TMC1: variants seen among roughly 807,000 people sequenced by gnomAD.
TMC1 encodes the protein transmembrane channel like 1.
In TMC1, 84 loss-of-function variants were observed where a neutral mutation model predicts 105.8. The ratio of observed to expected loss-of-function variants is 0.79; its 90% CI spans 0.67 to 0.95. The LOEUF is 0.95. Ranked by LOEUF, TMC1 falls within the 40% of genes least tolerant of loss-of-function variation. The pLI, the probability that TMC1 is intolerant of heterozygous loss-of-function variation, is 0.00. For missense variants in TMC1, 817 were observed against 914.1 expected (o/e 0.89, Z 1.37); for synonymous variants, 315 against 311.5 (o/e 1.01, Z -0.12).
intron 18 of TMC1, among the ~76,000 whole-genome samples, chr9:72,814,997 GATA>G (rs983845725): frequency 1.3e-5 from 2 of 150,598 alleles, no homozygotes; most frequent in African/African-American, 4.9e-5. Flanking sequence ...CACACCTGGA[GATA>G]ATAAGATCTG....
chr9:72,660,148 T>C (rs1663759), intron 5 of TMC1, among the ~76,000 whole-genome samples: 35,354 of 151,966 alleles, frequency 0.23, 4,389 homozygotes, highest in East Asian at 0.38. Context: ...GGATCCCTCA[T>C]TTATGAAGCA....
At chr9:72,792,376 T>C in intron 17 of TMC1, 24 bp downstream of exon 17, 1 of 1,613,906 alleles carries the variant, frequency 6.2e-7, no homozygotes. Flanking sequence ...CAGAAGTGTA[T>C]GGCAATTAGT....
chr9:72,721,561 G>A (rs1202985832), intron 8 of TMC1, among the ~76,000 whole-genome samples: 1 of 152,064 alleles, frequency 6.6e-6, no homozygotes, highest in African/African-American at 2.4e-5. Context: ...AAAAACTTAC[G>A]AGGGTTCAGA....
At chr9:72,779,940 C>T (rs1828065784) in intron 13 of TMC1, among the ~76,000 whole-genome samples, 2 of 152,016 alleles carry the variant, frequency 1.3e-5, no homozygotes, top group East Asian at 1.9e-4. Flanking sequence ...TAAAAGATGA[C>T]CATCCCCAAG....
rs779905040 is a variant in TMC1, at chr9:72,788,418, G to T, written c.964G>T (p.Asp322Tyr). 1.9e-6 allele frequency: 3 copies of T among 1,613,850 alleles called. No individual in the cohort carries two copies. The African/African-American group carries it at 4.0e-5, about 22-fold the overall frequency. The change falls in exon 14 of 24, where the codon GAC (aspartate) becomes TAC (tyrosine). Residue 322 changes from aspartate (D) to tyrosine (Y), a missense_variant. Transcript: ENST00000297784. ...NFSWKVFTSW[D>Y]YLIGNPETAD... is the part of the protein sequence containing the mutation. ...CAGCTGGAAGGTCTTTACCAGCTGG[G>T]ACTACCTGATCGGCAATCCTGAAAC...
At chr9:72,668,252 TTGAAA>T (rs1826074454) in intron 5 of TMC1, among the ~76,000 whole-genome samples, 1 of 152,204 alleles carries the variant, frequency 6.6e-6, no homozygotes, top group Admixed American at 6.5e-5. Context: ...TCATAATTTG[TTGAAA>T]TGAAAGCTGA....
At chr9:72,755,071 G>GGAGAGAGA (rs55848138) in intron 12 of TMC1, among the ~76,000 whole-genome samples, 187 bp downstream of exon 12, 3 of 127,006 alleles carry the variant, frequency 2.4e-5, no homozygotes, top group African/African-American at 6.0e-5. Context: ...AGGGAGGGAG[G>GGAGAGAGA]GAGAGAGAGA....
chr9:72,785,240 C>A (rs375517677), intron 13 of TMC1, among the ~76,000 whole-genome samples: 1 of 152,184 alleles, frequency 6.6e-6, no homozygotes. Context: ...CTATTGCTGT[C>A]AGTTGGAACA....
Position 72,775,134 on chromosome 9 carries a change from T to C in TMC1, c.884+2579T>C, listed in dbSNP as rs539629962. On this transcript the variant is annotated intron_variant, in intron 13 of 23. Transcript: ENST00000297784. ...CTTTGTTGGCCCAGGATTCTCCTGG[T>C]TTTAGAACTGAAAGTCTTGCATTTG... Among the ~76,000 whole-genome samples, 22 of 152,288 alleles carry C rather than the reference T, an allele frequency of 1.4e-4. No individual in the cohort carries two copies. In the East Asian group the frequency reaches 4.2e-3, roughly 29 times the overall value.
chr9:72,825,095 T>C (rs1828931316), intron 20 of TMC1, among the ~76,000 whole-genome samples: 1 of 152,254 alleles, frequency 6.6e-6, no homozygotes, highest in Non-Finnish European at 1.5e-5. Flanking sequence ...ATAGAGAAGT[T>C]TCCTCTCTGT....
chr9:72,555,922 G>A (rs1275322339), intron 1 of TMC1, among the ~76,000 whole-genome samples: 2 of 140,878 alleles, frequency 1.4e-5, no homozygotes, highest in Non-Finnish European at 3.0e-5. Context: ...CACCTGGCCT[G>A]GACTTAACTC....
At chr9:72,638,444 A>G (rs1452141139) in intron 4 of TMC1, among the ~76,000 whole-genome samples, 1 of 152,104 alleles carries the variant, frequency 6.6e-6, no homozygotes, top group African/African-American at 2.4e-5. Flanking sequence ...TACCTCTCGC[A>G]GTGTCCACTG....
intron 2 of TMC1, among the ~76,000 whole-genome samples, chr9:72,587,809 A>G (rs1046086743): frequency 1.3e-5 from 2 of 149,658 alleles, no homozygotes. Context: ...TTTTTGAGAC[A>G]GAGCCTCACT....
intron 1 of TMC1, among the ~76,000 whole-genome samples, chr9:72,523,067 G>C (rs942272257): frequency 6.6e-6 from 1 of 152,190 alleles, no homozygotes; most frequent in East Asian, 1.9e-4. Flanking sequence ...TGGGTTAGTG[G>C]GAGAAACAGA....
intron 5 of TMC1, among the ~76,000 whole-genome samples, chr9:72,682,753 G>A (rs1454438479): frequency 2.0e-5 from 3 of 152,178 alleles, no homozygotes; most frequent in Admixed American, 6.5e-5. Context: ...GCCCATTCTT[G>A]CACTGCTATA....
At chr9:72,628,335 A>G (rs1825386217) in intron 4 of TMC1, 7 of 222,030 alleles carry the variant, frequency 3.2e-5, no homozygotes, top group South Asian at 2.2e-4. Context: ...TACTTGTGTC[A>G]TCCTCAACTG....
intron 12 of TMC1, among the ~76,000 whole-genome samples, chr9:72,757,330 G>C (rs1438695698): frequency 6.6e-6 from 1 of 152,142 alleles, no homozygotes; most frequent in Admixed American, 6.5e-5. Flanking sequence ...TTATATCTGA[G>C]ACTAAGCTCG....
At chr9:72,776,651 G>A (rs1828010573) in intron 13 of TMC1, among the ~76,000 whole-genome samples, 2 of 152,106 alleles carry the variant, frequency 1.3e-5, no homozygotes, top group Non-Finnish European at 2.9e-5. Context: ...GTAGGCCAAG[G>A]TGTTCCTCCC....
intron 4 of TMC1, among the ~76,000 whole-genome samples, chr9:72,632,050 A>G (rs1825460981): frequency 6.6e-6 from 1 of 152,168 alleles, no homozygotes; most frequent in South Asian, 2.1e-4. Flanking sequence ...TATAAAGAAA[A>G]GGGTTTATTT....
Sources: allele counts gnomAD v4.1 joint callset (sites outside exome capture counted in the v4.1 genomes callset), GRCh38; gene constraint gnomAD v4.1.1; transcripts MANE v1.5; gene names NCBI Gene and HGNC (gene_info 2026-07-23, HGNC 2026-07-21).